Variants in EXTL3 observed in about 807,000 individuals in gnomAD.
EXTL3 encodes exostosin like glycosyltransferase 3.
In EXTL3, 27 loss-of-function variants were observed where a neutral mutation model predicts 69.3. That is an observed-to-expected ratio of 0.39 (90% CI 0.29 to 0.54). The LOEUF (loss-of-function observed/expected upper bound fraction) is 0.54, where lower values mean the gene tolerates loss of function less well. EXTL3 is among the 20% of genes least tolerant of loss of function. The pLI is 0.69. For synonymous variants in EXTL3, 511 were observed against 499.4 expected (o/e 1.02, Z -0.31); for missense variants, 1,003 against 1,231.8 (o/e 0.81, Z 2.78).
chr8:28,724,430 T>C (rs1801365919), intron 3 of EXTL3, among the ~76,000 whole-genome samples: 1 of 152,172 alleles, frequency 6.6e-6, no homozygotes, highest in Admixed American at 6.5e-5. Context: ...GTTTTCTTGC[T>C]TTCTGCCCCA....
chr8:28,739,955 C>T (rs115051381), intron 5 of EXTL3: 124 of 152,340 alleles, frequency 8.1e-4, no homozygotes, highest in African/African-American at 2.9e-3. Flanking sequence ...CATGAATGGT[C>T]AGGTACCTCT....
intron 1 of EXTL3, among the ~76,000 whole-genome samples, chr8:28,658,169 A>G (rs1190560052): frequency 6.6e-6 from 1 of 151,750 alleles, no homozygotes; most frequent in Non-Finnish European, 1.5e-5. Flanking sequence ...AGCCAGCCAA[A>G]GCTGAGGGCA....
At chr8:28,690,303 C>T (rs1388894242) in intron 1 of EXTL3, among the ~76,000 whole-genome samples, 1 of 152,072 alleles carries the variant, frequency 6.6e-6, no homozygotes, top group African/African-American at 2.4e-5. Flanking sequence ...ACCTCTGCCT[C>T]TCAGGTTCAA....
chr8:28,659,968 G>A lies in EXTL3; in HGVS notation c.-53+37158G>A, dbSNP rs550627429. On this transcript the variant is annotated intron_variant, in intron 1 of 6. Transcript: ENST00000523149. Reference sequence around the variant, plus strand: ...ACTTTGTAAAATTGCATGCCCCCTCGCATGTTGACAATCTACATGCAACAT... The same window carrying A: ...ACTTTGTAAAATTGCATGCCCCCTCACATGTTGACAATCTACATGCAACAT... 1.3e-5 allele frequency among the ~76,000 whole-genome samples: 2 copies of A among 152,190 alleles called. 1 individual carries two copies. Among genetic ancestry groups the A allele is most frequent in the South Asian group, 4.1e-4 (2 of 4,830 alleles).
At position 28,690,868 on chromosome 8, in the gene EXTL3, G is replaced by A. The variant is rs141823172; in HGVS notation, c.-52-22589G>A. On this transcript the variant is annotated intron_variant, in intron 1 of 6. Transcript: ENST00000523149. ...CCATTGGCCACACAGATGGATCCTA[G>A]TTAGGGTGTGGGTGGAGACTTCACA... Among the ~76,000 whole-genome samples the A allele has an allele frequency of 5.2e-3, 791 of 152,268 alleles. 34 individuals are homozygous for A. The highest frequency in any genetic ancestry group is 0.048 in the Admixed American group (728 of 15,296).
intron 1 of EXTL3, among the ~76,000 whole-genome samples, chr8:28,681,952 G>A (rs773207328): frequency 2.2e-4 from 34 of 152,024 alleles, no homozygotes; most frequent in Admixed American, 4.6e-4. Context: ...CCAGCTACTC[G>A]GGAGGCTGAG....
chr8:28,731,308 A>G lies in EXTL3; in HGVS notation c.2234A>G (p.Asp745Gly). The G allele has an allele frequency of 6.2e-7, 1 of 1,614,192 alleles. No individual in the cohort carries two copies. The highest frequency in any genetic ancestry group is 8.5e-7 in the Non-Finnish European group (1 of 1,180,018). Reference protein sequence around the residue: ...IETEAILSIDDDAHLRHDEIM... With the variant: ...IETEAILSIDGDAHLRHDEIM... ...ACAGAGGCCATCCTGTCCATTGATG[A>G]CGATGCTCACCTCCGCCATGACGAA... The change falls in exon 4 of 7, where the codon GAC becomes GGC. Residue 745 changes from aspartate to glycine, a missense_variant. By Grantham distance (94) the Asp-to-Gly change is moderately conservative. Transcript: ENST00000220562.
At chr8:28,688,459 C>T (rs1355516741) in intron 1 of EXTL3, among the ~76,000 whole-genome samples, 1 of 152,192 alleles carries the variant, frequency 6.6e-6, no homozygotes, top group Non-Finnish European at 1.5e-5. Context: ...TAACAATTTA[C>T]ATGCATTATC....
chr8:28,742,987 C>A, intron 5 of EXTL3, 99 bp from the exon 6 acceptor site: 1 of 1,325,740 alleles, frequency 7.5e-7, no homozygotes, highest in South Asian at 1.2e-5. Flanking sequence ...CTAGTTACTG[C>A]CACACCCAAA....
chr8:28,700,880 G>C (rs1039048762), upstream of EXTL3: 1 of 152,368 alleles, frequency 6.6e-6, no homozygotes, highest in Admixed American at 6.5e-5. Context: ...CGTGCACTTT[G>C]GGGCTCACAG....
intron 1 of EXTL3, among the ~76,000 whole-genome samples, chr8:28,626,823 C>T (rs1460079946): frequency 6.6e-6 from 1 of 152,196 alleles, no homozygotes; most frequent in Non-Finnish European, 1.5e-5. Flanking sequence ...TAAACCCACA[C>T]CTCAGGCGTC....
intron 3 of EXTL3, among the ~76,000 whole-genome samples, chr8:28,721,744 T>C (rs1801296538): frequency 6.6e-6 from 1 of 152,200 alleles, no homozygotes; most frequent in Non-Finnish European, 1.5e-5. Flanking sequence ...AAAATTTTGG[T>C]TTGAGTTACT....
chr8:28,622,691 G>T (rs1806432689), upstream of EXTL3: 1 of 150,844 alleles, frequency 6.6e-6, no homozygotes, highest in Non-Finnish European at 1.5e-5. Flanking sequence ...CGGGGATGCG[G>T]TGAGCCGAGG....
intron 1 of EXTL3, among the ~76,000 whole-genome samples, chr8:28,649,875 A>G (rs1462905015): frequency 6.6e-6 from 1 of 151,968 alleles, no homozygotes; most frequent in Admixed American, 6.6e-5. Context: ...ACATCAAGCT[A>G]TAAGCAGTAA....
rs147818144 is a variant in EXTL3 at position 28,716,756 on chromosome 8, G to A, written c.697G>A (p.Asp233Asn). 1.9e-6 allele frequency: 3 copies of A among 1,614,268 alleles called. No homozygotes were observed. The highest frequency in any genetic ancestry group is 2.5e-6 in the Non-Finnish European group (3 of 1,180,050). Reference sequence around the variant, plus strand: ...TAACGTTTATGTTACAGAAAATGCAGACATCGCCTGCCTTTACGTGATACT... The same window carrying A: ...TAACGTTTATGTTACAGAAAATGCAAACATCGCCTGCCTTTACGTGATACT... ...RANVYVTENA[D>N]IACLYVILVG... The change falls in exon 3 of 7, where the codon GAC becomes AAC. Residue 233 changes from aspartate to asparagine, a missense_variant. Coordinates refer to ENST00000220562, the MANE Select transcript of EXTL3 (RefSeq NM_001440.4). The surrounding 1 kb of genome is among the most constrained non-coding windows in gnomAD (Gnocchi z 7.1).
intron 2 of EXTL3, among the ~76,000 whole-genome samples, chr8:28,615,277 C>T (rs1322540467): frequency 1.3e-5 from 2 of 152,160 alleles, no homozygotes; most frequent in African/African-American, 4.8e-5. Context: ...ATTGATGGTG[C>T]TGTTGAATTC....
chr8:28,696,542 C>T (rs1800688691), upstream of EXTL3: 1 of 152,076 alleles, frequency 6.6e-6, no homozygotes, highest in African/African-American at 2.4e-5. Flanking sequence ...GTATTCTGTG[C>T]ATGCATACAC....
chr8:28,659,242 ATT>A (rs113930069), intron 1 of EXTL3, among the ~76,000 whole-genome samples: 21 of 142,662 alleles, frequency 1.5e-4, no homozygotes, highest in African/African-American at 5.1e-4. Context: ...ACTGTTCTTC[ATT>A]TTTTTTTTTT....
chr8:28,739,835 A>C (rs1333752532), intron 5 of EXTL3: 1 of 152,156 alleles, frequency 6.6e-6, no homozygotes, highest in Non-Finnish European at 1.5e-5. Context: ...CAAGATTTTC[A>C]CACTTGCTCA....
Sources: gnomAD v4.1 joint callset for allele counts (sites outside exome capture counted in the v4.1 genomes callset) on GRCh38, gnomAD v4.1.1 for gene constraint, Gnocchi (gnomAD v3.1) non-coding constraint, MANE v1.5 for transcripts, NCBI Gene and HGNC (gene_info 2026-07-23, HGNC 2026-07-21) for gene names.